Variants in ERCC8 observed in about 807,000 individuals in gnomAD.
The protein encoded by ERCC8 is ERCC excision repair 8, CSA ubiquitin ligase complex subunit.
A neutral mutation model predicts 54.9 loss-of-function variants in ERCC8; 52 were observed. The observed-to-expected ratio is 0.95, with a 90% CI of 0.76 to 1.19. ERCC8 has a LOEUF of 1.19. Among genes scored for constraint, ERCC8 ranks in the 50% most tolerant of loss-of-function variants. The pLI is 0.00. For missense variants in ERCC8, 514 were observed against 466.1 expected (o/e 1.10, Z -0.95); for synonymous variants, 146 against 157.2 (o/e 0.93, Z 0.53).
At chr5:60,915,531 T>C (rs1561509303) in intron 4 of ERCC8, among the ~76,000 whole-genome samples, 2 of 152,092 alleles carry the variant, frequency 1.3e-5, no homozygotes, top group Non-Finnish European at 2.9e-5. Context: ...GTAATAAATC[T>C]GTTCTACAAG....
intron 9 of ERCC8, among the ~76,000 whole-genome samples, chr5:60,896,018 C>A (rs939992410): frequency 1.3e-5 from 2 of 151,894 alleles, no homozygotes; most frequent in Non-Finnish European, 2.9e-5. Flanking sequence ...GGAGTTTTCG[C>A]TCTTATTGCC....
At chr5:60,922,836 G>C (rs1305920922) in intron 2 of ERCC8, among the ~76,000 whole-genome samples, 1 of 152,132 alleles carries the variant, frequency 6.6e-6, no homozygotes, top group African/African-American at 2.4e-5. Context: ...AAAACAAGTA[G>C]TATGCATAAT....
chr5:60,878,535 G>T (rs569798075), intron 11 of ERCC8, among the ~76,000 whole-genome samples: 2 of 152,268 alleles, frequency 1.3e-5, no homozygotes, highest in Non-Finnish European at 2.9e-5. Flanking sequence ...ATCAATGATT[G>T]CCTCAATTTC....
chr5:60,879,874 T>C (rs1748149279), intron 11 of ERCC8, among the ~76,000 whole-genome samples: 1 of 152,230 alleles, frequency 6.6e-6, no homozygotes, highest in South Asian at 2.1e-4. Flanking sequence ...CATTTAAGGT[T>C]AATATTGTTA....
chr5:60,913,001 T>C (rs1164134954), intron 4 of ERCC8, among the ~76,000 whole-genome samples: 1 of 152,126 alleles, frequency 6.6e-6, no homozygotes, highest in Non-Finnish European at 1.5e-5. Context: ...TGCCAGTATT[T>C]TATTGAGGAT....
intron 2 of ERCC8, 151 bp from the exon 3 acceptor site, chr5:60,922,306 A>G: frequency 2.1e-6 from 1 of 483,908 alleles, no homozygotes. Context: ...AATAACACAG[A>G]CTTCATAAAC....
intron 9 of ERCC8, among the ~76,000 whole-genome samples, chr5:60,895,630 A>C (rs1224452530): frequency 6.6e-6 from 1 of 152,212 alleles, no homozygotes; most frequent in Non-Finnish European, 1.5e-5. Context: ...CATGTTTAAA[A>C]ATATAACATT....
At chr5:60,941,179 A>G (rs897361626) in intron 1 of ERCC8, among the ~76,000 whole-genome samples, 2 of 152,214 alleles carry the variant, frequency 1.3e-5, no homozygotes, top group African/African-American at 4.8e-5. Context: ...TGAGTAAGCC[A>G]TTGTGCACAC....
intron 9 of ERCC8, chr5:60,891,831 AATAT>A: frequency 2.8e-6 from 1 of 356,432 alleles, no homozygotes; most frequent in South Asian, 2.4e-5. Context: ...GGGTTCTTTT[AATAT>A]GCAGATGCTT....
At chr5:60,912,430 C>G (rs533316443) in intron 4 of ERCC8, among the ~76,000 whole-genome samples, 6 of 152,006 alleles carry the variant, frequency 3.9e-5, no homozygotes, top group African/African-American at 1.5e-4. Context: ...GTGATTTTTG[C>G]ATGTTGATTT....
At chr5:60,898,929 T>C (rs1748795257) in intron 8 of ERCC8, among the ~76,000 whole-genome samples, 3 of 151,310 alleles carry the variant, frequency 2.0e-5, no homozygotes, top group South Asian at 4.1e-4. Flanking sequence ...TTTTATATAG[T>C]TTACATGTTT....
chr5:60,914,204 C>T (rs28882716), intron 4 of ERCC8, among the ~76,000 whole-genome samples: 7,131 of 152,022 alleles, frequency 0.047, 597 homozygotes, highest in African/African-American at 0.16. Flanking sequence ...TAAAGTCTCC[C>T]ATTATTATTG....
rs927913084 is a variant in ERCC8 at position 60,875,740 on chromosome 5, G to A, written c.1123-1057C>T. ...GAGACAGAATCTCACACTGTCGCCCGGGCTGGAGTGCAGTGGCGCGATCTC... is the reference window on the plus strand; with the variant it reads ...GAGACAGAATCTCACACTGTCGCCCAGGCTGGAGTGCAGTGGCGCGATCTC... On this transcript the variant is annotated intron_variant, in intron 11 of 11. Transcript: ENST00000676185. Among the ~76,000 whole-genome samples the A allele has an allele frequency of 7.9e-5, 12 of 151,738 alleles. No homozygotes were observed. In the South Asian group the frequency reaches 1.9e-3, roughly 24 times the overall value.
chr5:60,874,468 A>G lies in ERCC8; in HGVS notation c.*147T>C. 2 of 705,062 alleles carry G rather than the reference A, an allele frequency of 2.8e-6. No homozygotes were observed. Among genetic ancestry groups the G allele is most frequent in the Non-Finnish European group, 4.9e-6 (2 of 411,960 alleles). 43.7% of individuals were successfully genotyped at this position (705,062 alleles called of 1,614,324 possible). ...AGAAGTCTGTTTTAGGATTTTATGC[A>G]AATATTAACCTCATTTTAAAACATG... is the stretch of plus-strand genomic sequence containing the variant. On this transcript the variant is annotated 3_prime_UTR_variant, in exon 12 of 12. Coordinates refer to ENST00000676185, the MANE Select transcript of ERCC8 (RefSeq NM_000082.4).
chr5:60,906,924 T>G (rs980216314), intron 4 of ERCC8, among the ~76,000 whole-genome samples: 2 of 152,158 alleles, frequency 1.3e-5, no homozygotes, highest in African/African-American at 2.4e-5. Context: ...CTCACTGATA[T>G]AAGTTTTGCA....
chr5:60,883,260 C>T (rs996042177), intron 11 of ERCC8, among the ~76,000 whole-genome samples: 1 of 152,134 alleles, frequency 6.6e-6, no homozygotes, highest in Non-Finnish European at 1.5e-5. Context: ...TTTAGAAATA[C>T]ATTTTATTGC....
intron 2 of ERCC8, among the ~76,000 whole-genome samples, chr5:60,923,922 G>A (rs920284904): frequency 2.0e-5 from 3 of 151,788 alleles, no homozygotes; most frequent in Admixed American, 6.6e-5. Flanking sequence ...GATTTTTATC[G>A]TAGTCACTGT....
intron 9 of ERCC8, among the ~76,000 whole-genome samples, chr5:60,896,367 C>G (rs1379911506): frequency 6.6e-6 from 1 of 151,046 alleles, no homozygotes; most frequent in Admixed American, 6.6e-5. Flanking sequence ...CAGGTGCCCA[C>G]CACTGGCTAA....
rs1749824549 is a variant in ERCC8 at position 60,928,860 on chromosome 5, T to A, written c.173+4A>T. The stretch of plus-strand genomic sequence containing the variant: ...AAATGATTATACAAGTATAATAAAC[T>A]TACTATCTCCCTTCAACAGGTTCAA... On this transcript the variant is annotated splice_donor_region_variant and intron_variant, in intron 2 of 11. Transcript: ENST00000676185. The A allele has an allele frequency of 1.3e-6, 2 of 1,535,284 alleles. No homozygotes were observed. The highest frequency in any genetic ancestry group is 1.8e-6 in the Non-Finnish European group (2 of 1,110,510).
Sources: gnomAD v4.1 joint callset for allele counts (sites outside exome capture counted in the v4.1 genomes callset) on GRCh38, gnomAD v4.1.1 for gene constraint, MANE v1.5 for transcripts, NCBI Gene and HGNC (gene_info 2026-07-23, HGNC 2026-07-21) for gene names.